TMEM132E: variants seen among roughly 807,000 people sequenced by gnomAD.
The protein encoded by TMEM132E is transmembrane protein 132E.
In TMEM132E, 49 loss-of-function variants were observed where a neutral mutation model predicts 78.5. The ratio of observed to expected loss-of-function variants is 0.62; its 90% confidence interval spans 0.50 to 0.79. The LOEUF (loss-of-function observed/expected upper bound fraction) is 0.79. TMEM132E is among the 30% of genes least tolerant of loss of function. The pLI is 0.00. For synonymous variants in TMEM132E, 715 were observed against 670.6 expected, an observed-to-expected ratio of 1.07 and a Z score of -1.02; for missense variants, 1,403 against 1,470.9, an observed-to-expected ratio of 0.95 and a Z score of 0.75.
intron 1 of TMEM132E, among the ~76,000 whole-genome samples, chr17:34,587,214 G>A (rs1037248773): frequency 3.3e-5 from 5 of 152,108 alleles, no homozygotes; most frequent in Non-Finnish European, 4.4e-5. Context: ...ACGGGGCCCT[G>A]GCCCTGAGAG....
In TMEM132E at chr17:34,626,261, G is replaced by A. The variant is rs1409349815; in HGVS notation, c.202G>A (p.Val68Ile). The A allele has an allele frequency of 6.2e-7, 1 of 1,603,836 alleles. No homozygotes were observed. Among genetic ancestry groups the A allele is most frequent in the East Asian group, 2.3e-5 (1 of 44,410 alleles). The change falls in exon 2 of 9, where the codon GTC (valine) becomes ATC (isoleucine). Residue 68 changes from valine to isoleucine, a missense_variant. Val to Ile is a conservative substitution (Grantham distance 29). Transcript: ENST00000631683. ...LREARPPSPA[V>I]ANSSLQRSEP... ...GGAGGCGCGGCCCCCGTCACCCGCG[G>A]TCGCCAACAGCTCTCTGCAGCGCTC...
At position 34,626,239 on chromosome 17, in the gene TMEM132E, G is replaced by A. The variant is rs4795954; in HGVS notation, c.180G>A (p.Glu60=). 0.15 allele frequency: 245,244 copies of A among 1,593,570 alleles called. 21,429 individuals carry two copies. The highest frequency in any genetic ancestry group is 0.37 in the East Asian group (16,393 of 43,764). ...CGCGGCTGGCCTTCTTCCTGCGGGA[G>A]GCGCGGCCCCCGTCACCCGCGGTCG... ...SHTRLAFFLR[E]ARPPSPAVAN... Residue 60 remains glutamate (E), a synonymous_variant, in exon 2 of 9, where the codon GAG becomes GAA. Coordinates refer to ENST00000631683, the MANE Select transcript of TMEM132E (RefSeq NM_001304438.2).
Position 34,626,260 on chromosome 17 carries a change from G to A in TMEM132E, c.201G>A (p.Ala67=), listed in dbSNP as rs983957108. ...GGGAGGCGCGGCCCCCGTCACCCGC[G>A]GTCGCCAACAGCTCTCTGCAGCGCT... The part of the protein sequence containing the change: ...FLREARPPSP[A]VANSSLQRSE... Residue 67 remains alanine, a synonymous_variant, in exon 2 of 9, where the codon GCG becomes GCA. Coordinates refer to ENST00000631683, the MANE Select transcript of TMEM132E (RefSeq NM_001304438.2). 6.9e-6 allele frequency: 11 copies of A among 1,603,462 alleles called. No homozygotes were observed. In the African/African-American group the frequency reaches 8.0e-5, roughly 12 times the overall value.
intron 1 of TMEM132E, among the ~76,000 whole-genome samples, chr17:34,582,594 C>G (rs1905532468): frequency 6.7e-6 from 1 of 150,248 alleles, no homozygotes; most frequent in Non-Finnish European, 1.5e-5. Flanking sequence ...AGCAGCGAGC[C>G]AGCAGGGGGG....
At chr17:34,620,669 A>G (rs1906929678) in intron 1 of TMEM132E, among the ~76,000 whole-genome samples, 1 of 152,216 alleles carries the variant, frequency 6.6e-6, no homozygotes, top group Non-Finnish European at 1.5e-5. Context: ...CATGCGTTTC[A>G]CTCATACCAG....
intron 1 of TMEM132E, among the ~76,000 whole-genome samples, chr17:34,586,348 T>A (rs1177670367): frequency 6.6e-6 from 1 of 152,128 alleles, no homozygotes; most frequent in Non-Finnish European, 1.5e-5. Flanking sequence ...CTCTGTCTTC[T>A]TAAATGAAAA....
At position 34,579,865 on chromosome 17, in the gene TMEM132E, T is replaced by C. The variant is rs1331765609; in HGVS notation, c.-1212T>C. On this transcript the variant is annotated 5_prime_UTR_variant, in exon 1 of 9. Transcript: ENST00000631683. ...GCGTCTCACCGCCCGCAGCCCGGAC[T>C]GGCGCGGCGATCCGCTCGCCCAAAC... 6.6e-6 allele frequency: 1 copy of C among 152,040 alleles called. No individual in the cohort carries two copies. Among genetic ancestry groups the C allele is most frequent in the Non-Finnish European group, 1.5e-5 (1 of 67,986 alleles). The allele number at this position is 152,040 out of a possible 1,614,324, so 9.4% of individuals were successfully genotyped here.
chr17:34,596,240 TGTGGAGC>T (rs1906055892), intron 1 of TMEM132E, among the ~76,000 whole-genome samples: 2 of 152,074 alleles, frequency 1.3e-5, no homozygotes, highest in Non-Finnish European at 2.9e-5. Flanking sequence ...GACCAAGGAG[TGTGGAGC>T]CCTTGGCAGT....
intron 1 of TMEM132E, among the ~76,000 whole-genome samples, chr17:34,605,362 G>A (rs1906378342): frequency 6.6e-6 from 1 of 152,286 alleles, no homozygotes; most frequent in East Asian, 1.9e-4. Flanking sequence ...TCAGTGAGTG[G>A]GGTCAGCCAG....
chr17:34,615,664 A>G (rs1450734270), intron 1 of TMEM132E, among the ~76,000 whole-genome samples: 1 of 151,768 alleles, frequency 6.6e-6, no homozygotes, highest in East Asian at 1.9e-4. Context: ...GGTGCCAGGG[A>G]TTAAAAAAAA....
At chr17:34,610,007 C>T (rs4239249) in intron 1 of TMEM132E, among the ~76,000 whole-genome samples, 84,442 of 151,764 alleles carry the variant, frequency 0.56, 24,792 homozygotes, top group Admixed American at 0.71. Context: ...CCTGACCCCA[C>T]CCACCCAGGT....
chr17:34,631,359 G>A (rs1162031733), intron 5 of TMEM132E, among the ~76,000 whole-genome samples: 1 of 152,138 alleles, frequency 6.6e-6, no homozygotes, highest in Non-Finnish European at 1.5e-5. Context: ...GTCCACTGCT[G>A]GAAGACTGGG....
At chr17:34,624,127 A>T (rs1261313356) in intron 1 of TMEM132E, among the ~76,000 whole-genome samples, 1 of 152,254 alleles carries the variant, frequency 6.6e-6, no homozygotes, top group African/African-American at 2.4e-5. Flanking sequence ...TTTTTGAACA[A>T]GGAAGATTAC....
At chr17:34,623,616 A>G (rs1303316702) in intron 1 of TMEM132E, among the ~76,000 whole-genome samples, 2 of 152,204 alleles carry the variant, frequency 1.3e-5, no homozygotes, top group Non-Finnish European at 2.9e-5. Flanking sequence ...TCTTTCAGCT[A>G]CTCTCAACAT....
rs1433585286 is a variant in TMEM132E at position 34,638,631 on chromosome 17, G to A, written c.*399G>A. Reference sequence around the variant, plus strand: ...CCCGTCCCCCGTGTCGTCCCCCTGTGCAGGGGGTTCTGTGGGGGTCTTGTG... The same window carrying A: ...CCCGTCCCCCGTGTCGTCCCCCTGTACAGGGGGTTCTGTGGGGGTCTTGTG... On this transcript the variant is annotated 3_prime_UTR_variant, in exon 9 of 9. Transcript: ENST00000631683. 1.6e-5 allele frequency: 3 copies of A among 190,308 alleles called. No individual in the cohort carries two copies. The highest frequency in any genetic ancestry group is 3.2e-5 in the Non-Finnish European group (3 of 93,200). The allele number at this position is 190,308 out of a possible 1,614,324, so 11.8% of individuals were successfully genotyped here.
At position 34,626,163 on chromosome 17, in the gene TMEM132E, C is replaced by T. The variant is rs764581147; in HGVS notation, c.104C>T (p.Pro35Leu). Residue 35 changes from proline to leucine, a missense_variant, in exon 2 of 9, where the codon CCG becomes CTG. Around this residue, in one of 3 missense-constraint regions of TMEM132E, gnomAD observed 511 missense variants for 499.0 expected, o/e 1.02. Coordinates refer to ENST00000631683, the MANE Select transcript of TMEM132E (RefSeq NM_001304438.2). The part of the protein sequence containing the change: ...GRSHPASPSP[P>L]GPQASPVLPV... ...TCCCACCCGGCCAGCCCCAGCCCGC[C>T]GGGGCCGCAGGCCAGCCCGGTGCTG... 7 of 1,551,462 alleles carry T rather than the reference C, an allele frequency of 4.5e-6. No individual in the cohort carries two copies. The Admixed American group carries it at 5.8e-5, about 13-fold the overall frequency.
intron 5 of TMEM132E, among the ~76,000 whole-genome samples, chr17:34,630,591 A>C (rs1156719683): frequency 6.6e-6 from 1 of 152,152 alleles, no homozygotes; most frequent in Non-Finnish European, 1.5e-5. Flanking sequence ...TGGGTGAGGG[A>C]GACAACCCCT....
chr17:34,637,275 G>A lies in TMEM132E; in HGVS notation c.2268G>A (p.Leu756=). The A allele has an allele frequency of 6.2e-7, 1 of 1,614,158 alleles. No homozygotes were observed. Among genetic ancestry groups the A allele is most frequent in the Non-Finnish European group, 8.5e-7 (1 of 1,180,052 alleles). ...ACTATGGACTGCTAGTGAGCAGCCTGGATGAGCATGTGGCCACTGTGACCC... is the reference window on the plus strand; with the variant it reads ...ACTATGGACTGCTAGTGAGCAGCCTAGATGAGCATGTGGCCACTGTGACCC... ...PRDYGLLVSS[L]DEHVATVTQD... Residue 756 remains leucine, a synonymous_variant, in exon 9 of 9, where the codon CTG becomes CTA. Transcript: ENST00000631683.
intron 1 of TMEM132E, among the ~76,000 whole-genome samples, chr17:34,597,375 A>G (rs1906096830): frequency 6.6e-6 from 1 of 151,976 alleles, no homozygotes; most frequent in African/African-American, 2.4e-5. Flanking sequence ...ATAGAGCCTC[A>G]TTTATTTTAC....
Sources: gnomAD v4.1 joint callset for allele counts (sites outside exome capture counted in the v4.1 genomes callset) on GRCh38, gnomAD v4.1.1 for gene constraint, gnomAD v4.1.1 regional missense constraint, MANE v1.5 for transcripts, NCBI Gene and HGNC (gene_info 2026-07-23, HGNC 2026-07-21) for gene names.